C6: variants seen among roughly 807,000 people sequenced by gnomAD.
C6 encodes the protein complement component C6.
A neutral mutation model predicts 112.9 loss-of-function variants in C6; 101 were observed. The ratio of observed to expected loss-of-function variants is 0.89; its 90% confidence interval spans 0.76 to 1.06. The LOEUF (loss-of-function observed/expected upper bound fraction) is 1.06, where lower values mean the gene tolerates loss of function less well. C6 is among the 50% of genes least tolerant of loss of function. C6 has a pLI of 0.00. For missense variants in C6, 1,202 were observed against 1,104.6 expected (o/e 1.09, Z -1.25); for synonymous variants, 431 against 384.1 (o/e 1.12, Z -1.43).
At chr5:41,196,581 C>A (rs1750638385) in intron 4 of C6, among the ~76,000 whole-genome samples, 1 of 151,546 alleles carries the variant, frequency 6.6e-6, no homozygotes, top group Non-Finnish European at 1.5e-5. Flanking sequence ...TTTGTGAAAG[C>A]AAAATTGCAC....
chr5:41,172,394 C>T (rs774779217), intron 8 of C6, 47 bp from the exon 9 acceptor site: 1 of 1,601,636 alleles, frequency 6.2e-7, no homozygotes, highest in South Asian at 1.1e-5. Context: ...GCACCATTGA[C>T]AATTCAAAGA....
intron 6 of C6, among the ~76,000 whole-genome samples, chr5:41,185,533 T>C (rs958738679): frequency 4.6e-5 from 7 of 152,144 alleles, no homozygotes; most frequent in Non-Finnish European, 1.0e-4. Context: ...ATTCTGAGAG[T>C]AGGTAGTATG....
chr5:41,168,323 C>T (rs900197103), intron 9 of C6, among the ~76,000 whole-genome samples: 6 of 152,124 alleles, frequency 3.9e-5, no homozygotes, highest in Non-Finnish European at 7.3e-5. Context: ...CAAAAATGGC[C>T]TAGTCAAGAG....
At chr5:41,261,321 T>A in exon 1 of C6, 1 of 450,386 alleles carries the variant, frequency 2.2e-6, no homozygotes, top group Non-Finnish European at 2.9e-6. Flanking sequence ...ATGAAATATT[T>A]AAGCTAGAAA....
At chr5:41,182,642 C>T (rs1345653858) in intron 6 of C6, among the ~76,000 whole-genome samples, 1 of 152,188 alleles carries the variant, frequency 6.6e-6, no homozygotes, top group African/African-American at 2.4e-5. Flanking sequence ...AATTTCTCCT[C>T]CTCTATTGTT....
chr5:41,172,230 T>C lies in C6; in HGVS notation c.1286A>G (p.His429Arg), dbSNP rs966459511. 2 of 1,613,686 alleles carry C rather than the reference T, an allele frequency of 1.2e-6. No individual in the cohort carries two copies. Among genetic ancestry groups the C allele is most frequent in the African/African-American group, 2.7e-5 (2 of 74,918 alleles). The change falls in exon 9 of 18, where the codon CAT becomes CGT. Residue 429 changes from histidine (H) to arginine (R), a missense_variant. Physicochemically the swap from His to Arg is conservative, Grantham distance 29 (BLOSUM62 0). Transcript: ENST00000337836. ...CTAAGAGAGAGTACTGTTACCTTCA[T>C]GTTTCTCTGACAGCTTGTTGGTGGT... ...RCTTNKLSEK[H>R]EGSFIQGAEK...
rs779527330 is a variant in C6, at chr5:41,172,343, T to G, written c.1173A>C (p.Leu391Phe). Reference sequence around the variant, plus strand: ...CACAGTGTTTGGCTTCTTCCTCGGTTAAACCTAGGAGATGAAGTACAAACA... The same window carrying G: ...CACAGTGTTTGGCTTCTTCCTCGGTGAAACCTAGGAGATGAAGTACAAACA... ...FSSEELKNSG[L>F]TEEEAKHCVR... Residue 391 changes from leucine (L) to phenylalanine (F), a missense_variant, in exon 9 of 18, where the codon TTA becomes TTC. Physicochemically the swap from Leu to Phe is conservative, Grantham distance 22. Transcript: ENST00000337836. The G allele has an allele frequency of 2.5e-6, 4 of 1,613,418 alleles. No homozygotes were observed. In the East Asian group the frequency reaches 8.9e-5, roughly 36 times the overall value.
At chr5:41,179,369 A>G (rs1749129183) in intron 7 of C6, among the ~76,000 whole-genome samples, 1 of 152,180 alleles carries the variant, frequency 6.6e-6, no homozygotes, top group Admixed American at 6.5e-5. Context: ...ATAGGACTGT[A>G]CCTATGTCTC....
chr5:41,219,190 A>T (rs1370298418), intron 1 of C6, among the ~76,000 whole-genome samples: 1 of 152,158 alleles, frequency 6.6e-6, no homozygotes, highest in Admixed American at 6.5e-5. Flanking sequence ...CACAATCTCC[A>T]GCAAATGTAG....
chr5:41,218,915 TTG>T, intron 1 of C6, among the ~76,000 whole-genome samples: 1 of 152,320 alleles, frequency 6.6e-6, no homozygotes, highest in Non-Finnish European at 1.5e-5. Flanking sequence ...CTTCCTTCTC[TTG>T]TGTTTCATAA....
chr5:41,210,554 A>G (rs1357530008), intron 1 of C6, among the ~76,000 whole-genome samples: 4 of 152,192 alleles, frequency 2.6e-5, no homozygotes, highest in Admixed American at 2.6e-4. Flanking sequence ...AAAAGTGGGC[A>G]AAGGATATGA....
At chr5:41,175,894 C>T (rs908568147) in intron 8 of C6, among the ~76,000 whole-genome samples, 11 of 152,184 alleles carry the variant, frequency 7.2e-5, no homozygotes, top group South Asian at 4.1e-4. Context: ...CCTACAATAA[C>T]GCAAATCTTT....
intron 7 of C6, 127 bp from the exon 8 acceptor site, chr5:41,176,842 T>G: frequency 3.3e-6 from 3 of 908,826 alleles, no homozygotes; most frequent in African/African-American, 1.7e-5. Context: ...TCTCACTCTC[T>G]ATTGCATGTT....
At chr5:41,146,707 T>C (rs920757450) in intron 17 of C6, among the ~76,000 whole-genome samples, 3 of 152,184 alleles carry the variant, frequency 2.0e-5, no homozygotes, top group Non-Finnish European at 2.9e-5. Flanking sequence ...TGTATTAGTT[T>C]GACTACCCAA....
At chr5:41,255,863 G>A (rs990510490) in intron 1 of C6, among the ~76,000 whole-genome samples, 7 of 152,202 alleles carry the variant, frequency 4.6e-5, no homozygotes, top group African/African-American at 1.7e-4. Context: ...AGCCTCTACA[G>A]AGGGAATAGT....
chr5:41,191,020 C>CACATGT (rs1750155428), intron 5 of C6, among the ~76,000 whole-genome samples: 2 of 144,824 alleles, frequency 1.4e-5, no homozygotes, highest in South Asian at 4.4e-4. Flanking sequence ...TAACATGTAA[C>CACATGT]ACATGTAACA....
chr5:41,167,781 T>C (rs1748101859), intron 9 of C6, among the ~76,000 whole-genome samples: 1 of 152,066 alleles, frequency 6.6e-6, no homozygotes, highest in Admixed American at 6.6e-5. Context: ...AGACCAAACA[T>C]CAAATTTATG....
At chr5:41,180,358 G>C (rs1362590090) in intron 7 of C6, among the ~76,000 whole-genome samples, 1 of 152,112 alleles carries the variant, frequency 6.6e-6, no homozygotes. Context: ...GGTGGTTGTA[G>C]TGAGCAATAG....
intron 1 of C6, among the ~76,000 whole-genome samples, chr5:41,230,929 T>A (rs181045675): frequency 2.8e-4 from 43 of 152,278 alleles, no homozygotes; most frequent in Non-Finnish European, 4.9e-4. Flanking sequence ...CATATATAGT[T>A]TCTATTGTTA....
Sources: allele counts gnomAD v4.1 joint callset (sites outside exome capture counted in the v4.1 genomes callset), GRCh38; gene constraint gnomAD v4.1.1; transcripts MANE v1.5; gene names NCBI Gene and HGNC (gene_info 2026-07-23, HGNC 2026-07-21).